Variants in FBXL2 observed in about 807,000 individuals in gnomAD.
The protein encoded by FBXL2 is F-box and leucine rich repeat protein 2.
FBXL2 carries 38 observed loss-of-function variants against 69.2 expected under a neutral mutation model. That is an observed-to-expected ratio of 0.55 (90% CI 0.42 to 0.72). FBXL2 has a LOEUF of 0.72. FBXL2 is among the 30% of genes least tolerant of loss of function. The pLI is 0.00. For missense variants in FBXL2, 354 were observed against 520.3 expected (o/e 0.68, Z 3.11); for synonymous variants, 192 against 201.3 (o/e 0.95, Z 0.39).
chr3:33,356,064 A>T (rs181935144), intron 2 of FBXL2, among the ~76,000 whole-genome samples: 2 of 152,118 alleles, frequency 1.3e-5, no homozygotes, highest in East Asian at 3.9e-4. Flanking sequence ...ATGAGATGAG[A>T]TGAGAAATGT....
chr3:33,312,155 C>A (rs1036809958), intron 2 of FBXL2, among the ~76,000 whole-genome samples: 2 of 152,078 alleles, frequency 1.3e-5, no homozygotes, highest in Non-Finnish European at 2.9e-5. Flanking sequence ...TTCCTGAGCT[C>A]AAACCATCCA....
At chr3:33,285,356 T>G (rs1438513234) in intron 1 of FBXL2, among the ~76,000 whole-genome samples, 1 of 152,218 alleles carries the variant, frequency 6.6e-6, no homozygotes, top group Non-Finnish European at 1.5e-5. Flanking sequence ...TTTAAAAATG[T>G]TGAATATTGG....
chr3:33,277,582 G>A (rs1247215874), intron 1 of FBXL2, 67 bp downstream of exon 1: 103 of 1,245,266 alleles, frequency 8.3e-5, no homozygotes, highest in Non-Finnish European at 9.8e-5. Flanking sequence ...TCCGCACGCC[G>A]CCGCCCGCTA....
intron 13 of FBXL2, among the ~76,000 whole-genome samples, chr3:33,381,607 A>G (rs991791369): frequency 4.6e-5 from 7 of 152,046 alleles, no homozygotes; most frequent in South Asian, 2.1e-4. Context: ...CTGGGCAACA[A>G]GAGTGAAACT....
At chr3:33,329,906 G>T (rs1298488476) in intron 2 of FBXL2, among the ~76,000 whole-genome samples, 1 of 152,116 alleles carries the variant, frequency 6.6e-6, no homozygotes, top group Non-Finnish European at 1.5e-5. Context: ...GCAAGCCCAG[G>T]AGTTCAAGGT....
intron 2 of FBXL2, among the ~76,000 whole-genome samples, chr3:33,326,863 TTGATCTA>T (rs1209723884): frequency 2.0e-5 from 3 of 152,228 alleles, no homozygotes; most frequent in African/African-American, 7.2e-5. Flanking sequence ...TGTTATCCTA[TTGATCTA>T]AAGACATAGA....
chr3:33,294,130 T>A (rs1051150062), intron 1 of FBXL2, among the ~76,000 whole-genome samples: 10 of 152,188 alleles, frequency 6.6e-5, no homozygotes, highest in Non-Finnish European at 1.5e-4. Context: ...GGAGTCTTGC[T>A]CTGTTGCCTA....
intron 2 of FBXL2, among the ~76,000 whole-genome samples, chr3:33,347,135 C>G (rs1056735784): frequency 6.6e-6 from 1 of 152,142 alleles, no homozygotes; most frequent in African/African-American, 2.4e-5. Context: ...CCCTTCCCAG[C>G]CTCTAGTAAC....
chr3:33,323,733 A>T (rs1405361870), intron 2 of FBXL2, among the ~76,000 whole-genome samples: 1 of 152,106 alleles, frequency 6.6e-6, no homozygotes, highest in African/African-American at 2.4e-5. Context: ...GTTGGTTCCA[A>T]GTCTTTGCTA....
chr3:33,341,254 A>C (rs2125856185), intron 2 of FBXL2, among the ~76,000 whole-genome samples: 1 of 152,336 alleles, frequency 6.6e-6, no homozygotes, highest in Middle Eastern at 3.4e-3. Context: ...GGCCAGAGGA[A>C]TATTAAACAA....
intron 2 of FBXL2, among the ~76,000 whole-genome samples, chr3:33,348,749 A>G (rs1361505463): frequency 1.3e-5 from 2 of 151,946 alleles, no homozygotes; most frequent in African/African-American, 4.8e-5. Flanking sequence ...ATGGAATATC[A>G]ATATCTTTCT....
intron 1 of FBXL2, among the ~76,000 whole-genome samples, chr3:33,293,955 A>G (rs575644245): frequency 6.9e-4 from 105 of 152,356 alleles, no homozygotes; most frequent in African/African-American, 2.4e-3. Context: ...ATTCTTCAGG[A>G]CAGACATATG....
At position 33,306,169 on chromosome 3, in the gene FBXL2, C is replaced by T. The variant is rs3884550; in HGVS notation, c.65+8444C>T. 1.4e-3 allele frequency among the ~76,000 whole-genome samples: 213 copies of T among 152,178 alleles called. 1 individual carries two copies. Among genetic ancestry groups the T allele is most frequent in the Middle Eastern group, 0.014 (4 of 294 alleles). On this transcript the variant is annotated intron_variant, in intron 2 of 14. Coordinates refer to ENST00000484457, the MANE Select transcript of FBXL2 (RefSeq NM_012157.5). ...AAAGCTCTTCTTTTGTTGCATTCTA[C>T]AAATTTTGAACTGTAGTGTTTTTCT...
At chr3:33,295,844 A>T (rs1209297872) in intron 1 of FBXL2, among the ~76,000 whole-genome samples, 1 of 152,144 alleles carries the variant, frequency 6.6e-6, no homozygotes, top group Non-Finnish European at 1.5e-5. Context: ...ACATCTTTTC[A>T]TGTATGTATT....
downstream of FBXL2, among the ~76,000 whole-genome samples, chr3:33,408,313 TAA>T (rs1379982996): frequency 2.0e-5 from 3 of 152,120 alleles, no homozygotes; most frequent in Non-Finnish European, 4.4e-5. Context: ...TACACAAAAA[TAA>T]TAGCTAATTT....
At chr3:33,416,278 G>C in the FBXL2 span, among the ~76,000 whole-genome samples, 1 of 152,176 alleles carries the variant, frequency 6.6e-6, no homozygotes, top group Non-Finnish European at 1.5e-5. Flanking sequence ...AGGGGGCAGG[G>C]ATGGTTCTGA....
chr3:33,396,355 G>C, intron 12 of FBXL2: 1 of 1,091,584 alleles, frequency 9.2e-7, no homozygotes. Context: ...GACAACTACA[G>C]GAATCTAAGT....
intron 2 of FBXL2, chr3:33,302,927 A>T (rs575887543): frequency 7.7e-6 from 2 of 258,926 alleles, no homozygotes; most frequent in East Asian, 1.8e-4. Flanking sequence ...AGCCAATCCC[A>T]TGAGTGAAAA....
chr3:33,381,355 A>G (rs2154051456), intron 13 of FBXL2, among the ~76,000 whole-genome samples: 1 of 152,298 alleles, frequency 6.6e-6, no homozygotes, highest in Non-Finnish European at 1.5e-5. Context: ...TGTAAATAAA[A>G]TGAAATTGGC....
Sources: gnomAD v4.1 joint callset for allele counts (sites outside exome capture counted in the v4.1 genomes callset) on GRCh38, gnomAD v4.1.1 for gene constraint, MANE v1.5 for transcripts, NCBI Gene and HGNC (gene_info 2026-07-23, HGNC 2026-07-21) for gene names.